The following EIF2AK4 variants were observed in gnomAD, a reference collection of about 807,000 sequenced individuals.
The protein encoded by EIF2AK4 is eIF-2-alpha kinase GCN2.
A neutral mutation model predicts 211.1 loss-of-function variants in EIF2AK4; 139 were observed. The observed-to-expected ratio is 0.66, with a 90% CI of 0.57 to 0.76. The LOEUF (loss-of-function observed/expected upper bound fraction) is 0.76. EIF2AK4 is among the 30% of genes least tolerant of loss of function. The pLI, the probability that EIF2AK4 is intolerant of heterozygous loss-of-function variation, is 0.00. For missense variants in EIF2AK4, 1,664 were observed against 2,043.8 expected, an observed-to-expected ratio of 0.81 and a Z score of 3.58; for synonymous variants, 710 against 751.3, an observed-to-expected ratio of 0.94 and a Z score of 0.90.
At chr15:39,989,389 G>C (rs1429109831) in intron 15 of EIF2AK4, among the ~76,000 whole-genome samples, 5 of 152,232 alleles carry the variant, frequency 3.3e-5, no homozygotes. Flanking sequence ...CACATGTGTA[G>C]TTTGTAAATG....
chr15:40,022,797 A>G (rs143471522), intron 32 of EIF2AK4, among the ~76,000 whole-genome samples, 192 bp downstream of exon 32: 3 of 151,776 alleles, frequency 2.0e-5, no homozygotes, highest in Non-Finnish European at 4.4e-5. Flanking sequence ...GCAATGACGC[A>G]ATCTCGGCTC....
intron 33 of EIF2AK4, among the ~76,000 whole-genome samples, chr15:40,027,200 ACT>A (rs1400533257): frequency 6.6e-6 from 1 of 152,206 alleles, no homozygotes; most frequent in Non-Finnish European, 1.5e-5. Context: ...CTTTTAGTAC[ACT>A]GTTTTACATT....
At chr15:39,949,457 C>A (rs929215477) in intron 4 of EIF2AK4, among the ~76,000 whole-genome samples, 189 bp downstream of exon 4, 4 of 152,020 alleles carry the variant, frequency 2.6e-5, no homozygotes, top group Non-Finnish European at 5.9e-5. Flanking sequence ...CAGTACTGTC[C>A]CTTAGAGCCC....
Position 40,022,663 on chromosome 15 carries a change from T to G in EIF2AK4, c.4389+58T>G, listed in dbSNP as rs377264703. Reference sequence around the variant, plus strand: ...AGTTAGGTGTTACCTGTGGAGCACCTGCCTTCACACTGAGGCCCGGGCCGT... The same window carrying G: ...AGTTAGGTGTTACCTGTGGAGCACCGGCCTTCACACTGAGGCCCGGGCCGT... On this transcript the variant is annotated intron_variant, in intron 32 of 38. Transcript: ENST00000263791. The G allele has an allele frequency of 3.5e-5, 52 of 1,505,828 alleles. No homozygotes were observed. The Middle Eastern group carries it at 1.2e-3, about 34-fold the overall frequency. The allele number at this position is 1,505,828 out of a possible 1,614,324, so 93.3% of individuals were successfully genotyped here. A position where few individuals can be genotyped will look rare whatever the true frequency, so the allele number is the denominator to read the frequency against.
chr15:40,005,898 T>G (rs959466266), intron 23 of EIF2AK4, among the ~76,000 whole-genome samples: 3 of 151,842 alleles, frequency 2.0e-5, no homozygotes, highest in Non-Finnish European at 4.4e-5. Flanking sequence ...TGTGTAGATA[T>G]ATATATTTGG....
At chr15:39,946,682 T>C in intron 3 of EIF2AK4, 2 of 699,652 alleles carry the variant, frequency 2.9e-6, no homozygotes, top group Non-Finnish European at 5.2e-6. Context: ...AGAGAAATCT[T>C]CCATGAAAGG....
At chr15:39,955,975 A>G (rs1156472216) in intron 6 of EIF2AK4, among the ~76,000 whole-genome samples, 1 of 149,540 alleles carries the variant, frequency 6.7e-6, no homozygotes, top group Non-Finnish European at 1.5e-5. Flanking sequence ...CCAAGTATCT[A>G]TCATGAATCT....
At chr15:40,011,746 T>A (rs2035238356) in intron 27 of EIF2AK4, among the ~76,000 whole-genome samples, 1 of 152,236 alleles carries the variant, frequency 6.6e-6, no homozygotes, top group African/African-American at 2.4e-5. Flanking sequence ...TCTGGGGAGC[T>A]ACCCTTCCCC....
chr15:39,968,919 G>A (rs777627006), intron 9 of EIF2AK4, among the ~76,000 whole-genome samples: 15 of 151,584 alleles, frequency 9.9e-5, no homozygotes, highest in Non-Finnish European at 2.2e-4. Context: ...GTTGTGGAAA[G>A]GGGCCAAGTT....
intron 33 of EIF2AK4, among the ~76,000 whole-genome samples, chr15:40,028,786 A>G (rs572026293): frequency 9.8e-5 from 15 of 152,382 alleles, no homozygotes; most frequent in Admixed American, 2.6e-4. Flanking sequence ...GAAATAGCCA[A>G]GTAGTGAGTA....
At chr15:39,946,458 A>G in intron 3 of EIF2AK4, 1 of 648,304 alleles carries the variant, frequency 1.5e-6, no homozygotes, top group South Asian at 1.8e-5. Flanking sequence ...TAAAACTTTA[A>G]CAGATGATTA....
intron 13 of EIF2AK4, among the ~76,000 whole-genome samples, chr15:39,979,041 C>G (rs1167756829): frequency 6.6e-6 from 1 of 152,164 alleles, no homozygotes; most frequent in Non-Finnish European, 1.5e-5. Flanking sequence ...AACAAAATGA[C>G]AAGACTAAGT....
At chr15:39,965,977 G>A in intron 8 of EIF2AK4, 134 bp downstream of exon 8, 6 of 1,185,372 alleles carry the variant, frequency 5.1e-6, no homozygotes, top group Non-Finnish European at 6.9e-6. Context: ...TGACCAGGGA[G>A]GACAGTGAAG....
Position 40,008,857 on chromosome 15 carries a change from A to C in EIF2AK4, c.3576+662A>C, listed in dbSNP as rs566632534. ...ATGTGTTTTTAGGGCAGAGCCTACG[A>C]GTCCGCTTTGCCATATACCCCCATT... On this transcript the variant is annotated intron_variant, in intron 25 of 38. Transcript: ENST00000263791. 2.4e-4 allele frequency among the ~76,000 whole-genome samples: 37 copies of C among 152,316 alleles called. No homozygotes were observed. In the East Asian group the frequency reaches 7.0e-3, roughly 29 times the overall value.
At position 39,967,577 on chromosome 15, in the gene EIF2AK4, C is replaced by T; in HGVS notation, c.1251C>T (p.His417=). Residue 417 remains histidine, a synonymous_variant, in exon 9 of 39, where the codon CAC becomes CAT. Coordinates refer to ENST00000263791, the MANE Select transcript of EIF2AK4 (RefSeq NM_001013703.4). ...TCCTGTCAGGCCTTGATTATCTGCA[C>T]AGCAATTCTGTGGTGCATAAGGTCC... The part of the protein sequence containing the change: ...AQLLSGLDYL[H]SNSVVHKVLS... The T allele has an allele frequency of 6.2e-7, 1 of 1,613,960 alleles. No homozygotes were observed.
intron 32 of EIF2AK4, 51 bp from the exon 33 acceptor site, chr15:40,025,926 C>T: frequency 2.6e-6 from 4 of 1,563,500 alleles, no homozygotes; most frequent in Non-Finnish European, 3.5e-6. Flanking sequence ...CTGAGCTAGT[C>T]TTCTGGGTTC....
At chr15:40,018,532 G>C (rs1000872114) in intron 29 of EIF2AK4, among the ~76,000 whole-genome samples, 2 of 151,820 alleles carry the variant, frequency 1.3e-5, no homozygotes, top group African/African-American at 4.8e-5. Flanking sequence ...TTTTTGTCCA[G>C]GCTGATCTCA....
At chr15:40,009,094 G>C (rs1437228935) in intron 25 of EIF2AK4, among the ~76,000 whole-genome samples, 1 of 150,422 alleles carries the variant, frequency 6.6e-6, no homozygotes, top group East Asian at 2.0e-4. Flanking sequence ...GTTTTGTTTT[G>C]TTTTGTTTTG....
chr15:39,943,408 G>A lies in EIF2AK4; in HGVS notation c.283G>A (p.Ala95Thr). The A allele has an allele frequency of 1.4e-6, 2 of 1,405,146 alleles. No individual in the cohort carries two copies. The highest frequency in any genetic ancestry group is 1.9e-6 in the Non-Finnish European group (2 of 1,060,392). The allele number at this position is 1,405,146 out of a possible 1,614,324, so 87.0% of individuals were successfully genotyped here. The change falls in exon 3 of 39, where the codon GCC becomes ACC. Residue 95 changes from alanine to threonine, a missense_variant. By Grantham distance (58) the Ala-to-Thr change is moderately conservative. Transcript: ENST00000263791. ...DVVPEIELKN[A>T]KGLSNESVNL... ...AGTTCCTGAAATAGAGTTAAAAAAT[G>A]CCAAAGGTCTATCAAATGAAAGTGT...
Sources: gnomAD v4.1 joint callset for allele counts (sites outside exome capture counted in the v4.1 genomes callset) on GRCh38, gnomAD v4.1.1 for gene constraint, MANE v1.5 for transcripts, NCBI Gene and HGNC (gene_info 2026-07-23, HGNC 2026-07-21) for gene names.